SV2C: variants seen among roughly 807,000 people sequenced by gnomAD.
The protein encoded by SV2C is synaptic vesicle glycoprotein 2C, also known as solute carrier family 22 member B3.
SV2C carries 49 observed loss-of-function variants against 79.7 expected under a neutral mutation model. That is an observed-to-expected ratio of 0.61 (90% CI 0.49 to 0.78). The LOEUF is 0.78. Among genes scored for constraint, SV2C ranks in the 30% least tolerant of loss-of-function variants. SV2C has a pLI of 0.00. For synonymous variants in SV2C, 334 were observed against 333.2 expected, an observed-to-expected ratio of 1.00 and a Z score of -0.03; for missense variants, 833 against 912.9, an observed-to-expected ratio of 0.91 and a Z score of 1.13.
In SV2C at chr5:76,211,627, A is replaced by G. The variant is rs367863749; in HGVS notation, c.913+1740A>G. Reference sequence around the variant, plus strand: ...TCTAATCTAAAAAATTAGATTTCAAAAACTCATTCTTTGCTCATTTTTTAT... The same window carrying G: ...TCTAATCTAAAAAATTAGATTTCAAGAACTCATTCTTTGCTCATTTTTTAT... On this transcript the variant is annotated intron_variant, in intron 4 of 12. Coordinates refer to ENST00000502798, the MANE Select transcript of SV2C (RefSeq NM_014979.4). 7.2e-5 allele frequency among the ~76,000 whole-genome samples: 11 copies of G among 152,234 alleles called. No individual in the cohort carries two copies. The East Asian group carries it at 7.7e-4, about 11-fold the overall frequency.
At chr5:76,290,323 C>T (rs887854460) in intron 6 of SV2C, among the ~76,000 whole-genome samples, 1 of 152,210 alleles carries the variant, frequency 6.6e-6, no homozygotes, top group East Asian at 1.9e-4. Context: ...TACCTGTACT[C>T]TGCCAATAGA....
At chr5:76,108,859 A>C (rs1037465859) in intron 1 of SV2C, among the ~76,000 whole-genome samples, 5 of 152,224 alleles carry the variant, frequency 3.3e-5, no homozygotes, top group Admixed American at 2.6e-4. Flanking sequence ...TAGACAAAGA[A>C]GTTGACTAAC....
the SV2C span, among the ~76,000 whole-genome samples, chr5:76,014,216 GAAAA>G: frequency 7.2e-6 from 1 of 138,052 alleles, no homozygotes; most frequent in African/African-American, 2.7e-5. Flanking sequence ...GAAAGGAAAA[GAAAA>G]GAAAGAAAGG....
At chr5:75,973,190 G>A in the SV2C span, among the ~76,000 whole-genome samples, 1 of 151,972 alleles carries the variant, frequency 6.6e-6, no homozygotes, top group Non-Finnish European at 1.5e-5. Context: ...GTGGGGAAGG[G>A]GGGAGGGATA....
intron 4 of SV2C, among the ~76,000 whole-genome samples, chr5:76,211,822 C>CAAAAAA (rs1192860476): frequency 6.6e-6 from 1 of 152,102 alleles, no homozygotes; most frequent in African/African-American, 2.4e-5. Flanking sequence ...GTTACAAAAT[C>CAAAAAA]ATGTCACACG....
chr5:75,849,915 A>T, the SV2C span, among the ~76,000 whole-genome samples: 26 of 152,170 alleles, frequency 1.7e-4, no homozygotes, highest in East Asian at 7.7e-4. Flanking sequence ...TCTTTTTTTT[A>T]AAATAAGAAA....
chr5:75,914,183 A>C, the SV2C span, among the ~76,000 whole-genome samples: 33 of 152,304 alleles, frequency 2.2e-4, no homozygotes, highest in South Asian at 5.2e-3. Flanking sequence ...CCTCCTGCAA[A>C]AACAAAAACA....
chr5:76,347,455 G>GTT (rs71990996), intron 12 of SV2C, among the ~76,000 whole-genome samples: 19 of 151,284 alleles, frequency 1.3e-4, no homozygotes, highest in African/African-American at 4.1e-4. Flanking sequence ...TTTTTTTGTT[G>GTT]TTGTTTTGAG....
chr5:75,924,165 C>T, the SV2C span, among the ~76,000 whole-genome samples: 3 of 151,994 alleles, frequency 2.0e-5, no homozygotes, highest in Admixed American at 2.0e-4. Context: ...GAATGGAAAA[C>T]CAAATATCAT....
At chr5:76,306,686 T>G (rs1320023877) in intron 12 of SV2C, among the ~76,000 whole-genome samples, 1 of 152,146 alleles carries the variant, frequency 6.6e-6, no homozygotes, top group Non-Finnish European at 1.5e-5. Context: ...TAGGCACATA[T>G]AAATGATAAA....
chr5:76,262,503 T>G (rs1416764191), intron 4 of SV2C, among the ~76,000 whole-genome samples: 1 of 152,212 alleles, frequency 6.6e-6, no homozygotes, highest in African/African-American at 2.4e-5. Context: ...CTTCTCTAGT[T>G]CTTTTAATTG....
intron 1 of SV2C, chr5:76,084,164 C>G (rs1229534988): frequency 6.6e-6 from 1 of 152,380 alleles, no homozygotes; most frequent in Non-Finnish European, 1.5e-5. Context: ...GGCTGAGGCT[C>G]TTTGTCAGCG....
the SV2C span, among the ~76,000 whole-genome samples, chr5:76,077,821 G>A: frequency 6.6e-6 from 1 of 152,168 alleles, no homozygotes; most frequent in South Asian, 2.1e-4. Context: ...TAGGCTTAAA[G>A]GACCCCACCA....
At chr5:76,168,005 A>G (rs1296341195) in intron 2 of SV2C, among the ~76,000 whole-genome samples, 2 of 152,150 alleles carry the variant, frequency 1.3e-5, no homozygotes, top group African/African-American at 4.8e-5. Flanking sequence ...CTTCCTTGCA[A>G]TGAAATCCAG....
intron 3 of SV2C, among the ~76,000 whole-genome samples, chr5:76,202,332 T>G (rs2112341661): frequency 6.6e-6 from 1 of 152,300 alleles, no homozygotes; most frequent in Admixed American, 6.5e-5. Context: ...ATGCTATTCA[T>G]TATTCATATA....
chr5:76,272,050 C>T (rs542421973), intron 4 of SV2C, among the ~76,000 whole-genome samples: 5 of 152,226 alleles, frequency 3.3e-5, no homozygotes, highest in African/African-American at 1.2e-4. Flanking sequence ...GCAGCTGTTT[C>T]AATTGTCAAG....
chr5:75,854,954 C>G, the SV2C span, among the ~76,000 whole-genome samples: 1 of 152,136 alleles, frequency 6.6e-6, no homozygotes. Flanking sequence ...GTTCCAGAAC[C>G]ATTTCTTTAT....
At chr5:75,959,271 C>T in the SV2C span, among the ~76,000 whole-genome samples, 1 of 151,890 alleles carries the variant, frequency 6.6e-6, no homozygotes, top group African/African-American at 2.4e-5. Flanking sequence ...AGGAGAAGAT[C>T]TGCTCTCTTT....
In SV2C at chr5:76,131,761, C is replaced by T. The variant is rs369773755; in HGVS notation, c.11C>T (p.Ser4Phe). MEDSYKDRTSLMKG... is the reference protein window; with the variant it reads MEDFYKDRTSLMKG... ...ATCAGTTGAGATAAGATGGAAGACT[C>T]TTACAAGGATAGGACTTCACTGATG... The change falls in exon 2 of 13, where the codon TCT becomes TTT. Residue 4 changes from serine to phenylalanine, a missense_variant. Transcript: ENST00000502798. 1.2e-6 allele frequency: 2 copies of T among 1,605,506 alleles called. No individual in the cohort carries two copies. The highest frequency in any genetic ancestry group is 8.5e-7 in the Non-Finnish European group (1 of 1,175,214).
Sources: allele counts gnomAD v4.1 joint callset (sites outside exome capture counted in the v4.1 genomes callset), GRCh38; gene constraint gnomAD v4.1.1; transcripts MANE v1.5; gene names NCBI Gene and HGNC (gene_info 2026-07-23, HGNC 2026-07-21).